The following VPS13B variants were observed in gnomAD, a reference collection of about 807,000 sequenced individuals.
VPS13B encodes vacuolar protein sorting 13 homolog B.
In VPS13B, 285 loss-of-function variants were observed where a neutral mutation model predicts 426.4. That is an observed-to-expected ratio of 0.67 (90% CI 0.61 to 0.74). The LOEUF (loss-of-function observed/expected upper bound fraction) is 0.74, where lower values mean the gene tolerates loss of function less well. Among genes scored for constraint, VPS13B ranks in the 30% least tolerant of loss-of-function variants. The probability of loss-of-function intolerance (pLI) is 0.00; values close to 1 mark genes in which losing one functional copy is unlikely to be tolerated. For synonymous variants in VPS13B, 1,676 were observed against 1,676.4 expected, an observed-to-expected ratio of 1.00 and a Z score of 0.01; for missense variants, 4,537 against 4,782.6, an observed-to-expected ratio of 0.95 and a Z score of 1.51.
Position 99,875,837 on chromosome 8 carries a change from C to T in VPS13B, c.*171C>T. 2.5e-6 allele frequency: 2 copies of T among 806,176 alleles called. No homozygotes were observed. The highest frequency in any genetic ancestry group is 3.9e-6 in the Non-Finnish European group (2 of 514,740). 49.9% of individuals were successfully genotyped at this position (806,176 alleles called of 1,614,324 possible). On this transcript the variant is annotated 3_prime_UTR_variant, in exon 62 of 62. Coordinates refer to ENST00000357162, the MANE Select transcript of VPS13B (RefSeq NM_152564.5). ...AAGCACCTGCCACCATAAAGGGCTG[C>T]ATTTTGCCACCATAAAGGGCTGCAT... is the stretch of plus-strand genomic sequence containing the variant.
chr8:99,164,040 A>G (rs1210836197), intron 15 of VPS13B, among the ~76,000 whole-genome samples: 1 of 152,158 alleles, frequency 6.6e-6, no homozygotes, highest in African/African-American at 2.4e-5. Context: ...CCTGCTGGAT[A>G]GGGGCGAAGA....
At chr8:99,027,231 A>G (rs1842185711) in intron 2 of VPS13B, among the ~76,000 whole-genome samples, 3 of 151,976 alleles carry the variant, frequency 2.0e-5, no homozygotes, top group South Asian at 2.1e-4. Context: ...ATTGAGGATT[A>G]TAGTTTTTAA....
intron 17 of VPS13B, among the ~76,000 whole-genome samples, chr8:99,244,559 T>A (rs776425546): frequency 2.0e-5 from 3 of 152,220 alleles, no homozygotes; most frequent in Non-Finnish European, 4.4e-5. Context: ...GAGAAAAATA[T>A]TCTGAGGACC....
chr8:99,682,080 T>C (rs1450663803), intron 35 of VPS13B, among the ~76,000 whole-genome samples: 1 of 152,250 alleles, frequency 6.6e-6, no homozygotes, highest in Non-Finnish European at 1.5e-5. Flanking sequence ...ATTTTTATGC[T>C]GCTGAAGTTA....
At chr8:99,486,210 A>C (rs1314517691) in intron 25 of VPS13B, among the ~76,000 whole-genome samples, 2 of 151,794 alleles carry the variant, frequency 1.3e-5, no homozygotes, top group African/African-American at 4.8e-5. Flanking sequence ...CCACACAAGC[A>C]AATAATAGCA....
At chr8:99,343,213 C>T (rs1811350233) in intron 19 of VPS13B, among the ~76,000 whole-genome samples, 1 of 152,042 alleles carries the variant, frequency 6.6e-6, no homozygotes. Context: ...CCTGCCTCAG[C>T]CTCCTGAGTA....
At chr8:99,411,987 C>T (rs1815694031) in intron 21 of VPS13B, among the ~76,000 whole-genome samples, 2 of 152,180 alleles carry the variant, frequency 1.3e-5, no homozygotes, top group Admixed American at 1.3e-4. Context: ...TAGTGTGATG[C>T]CTCCAGCTTT....
At chr8:99,297,264 GC>G (rs1192836996) in intron 19 of VPS13B, among the ~76,000 whole-genome samples, 8 of 152,056 alleles carry the variant, frequency 5.3e-5, no homozygotes, top group African/African-American at 1.7e-4. Flanking sequence ...ATTTTAGGCA[GC>G]CCTTTTTGAG....
At chr8:99,503,437 T>C (rs1415994641) in intron 27 of VPS13B, among the ~76,000 whole-genome samples, 1 of 152,234 alleles carries the variant, frequency 6.6e-6, no homozygotes, top group Non-Finnish European at 1.5e-5. Context: ...GATTGAATCT[T>C]TCTTTATGAA....
intron 3 of VPS13B, among the ~76,000 whole-genome samples, chr8:99,042,521 A>G (rs1390335950): frequency 6.6e-6 from 1 of 152,218 alleles, no homozygotes; most frequent in African/African-American, 2.4e-5. Flanking sequence ...AGGTTTAGCT[A>G]GATTTTAAAC....
At chr8:99,371,741 T>C (rs935186220) in intron 19 of VPS13B, among the ~76,000 whole-genome samples, 12 of 152,250 alleles carry the variant, frequency 7.9e-5, no homozygotes, top group Non-Finnish European at 7.3e-5. Context: ...TCCTCTCTTA[T>C]TTCCTTGAGC....
chr8:99,299,688 G>A (rs1338468565), intron 19 of VPS13B, among the ~76,000 whole-genome samples: 1 of 151,798 alleles, frequency 6.6e-6, no homozygotes, highest in African/African-American at 2.4e-5. Context: ...GAGGCGGGCA[G>A]ATCATGAGGT....
chr8:99,026,988 C>T (rs780552037), intron 2 of VPS13B, among the ~76,000 whole-genome samples: 9 of 152,014 alleles, frequency 5.9e-5, no homozygotes, highest in Admixed American at 3.3e-4. Flanking sequence ...GTGATTCTCC[C>T]GCCTCAGCCT....
At chr8:99,176,435 C>G (rs1402281739) in intron 16 of VPS13B, among the ~76,000 whole-genome samples, 1 of 152,100 alleles carries the variant, frequency 6.6e-6, no homozygotes, top group Non-Finnish European at 1.5e-5. Context: ...CCGCGCCCAG[C>G]CCTGTAAACC....
intron 20 of VPS13B, among the ~76,000 whole-genome samples, chr8:99,387,396 T>A (rs1276495211): frequency 6.6e-6 from 1 of 151,568 alleles, no homozygotes; most frequent in Non-Finnish European, 1.5e-5. Flanking sequence ...TAAAAAACAA[T>A]TTTTTTTGTA....
chr8:99,028,455 A>G (rs1454179680), intron 2 of VPS13B, among the ~76,000 whole-genome samples: 3 of 119,534 alleles, frequency 2.5e-5, no homozygotes, highest in South Asian at 2.8e-4. Flanking sequence ...CTCACTTCCC[A>G]GTAGGGGCGG....
chr8:99,737,925 G>C (rs1295055225), intron 39 of VPS13B, among the ~76,000 whole-genome samples: 3 of 152,174 alleles, frequency 2.0e-5, no homozygotes, highest in African/African-American at 7.2e-5. Flanking sequence ...TATGATATAG[G>C]AGACAGCCTC....
chr8:99,477,334 A>T (rs1297304641), intron 24 of VPS13B, among the ~76,000 whole-genome samples: 1 of 152,124 alleles, frequency 6.6e-6, no homozygotes, highest in East Asian at 1.9e-4. Context: ...TTTCTCATTT[A>T]TCCATCTGTT....
intron 34 of VPS13B, among the ~76,000 whole-genome samples, chr8:99,658,754 T>C (rs1200566455): frequency 6.6e-6 from 1 of 152,194 alleles, no homozygotes; most frequent in Non-Finnish European, 1.5e-5. Flanking sequence ...GGACCTCTCA[T>C]CACAAACTAC....
Sources: allele counts gnomAD v4.1 joint callset (sites outside exome capture counted in the v4.1 genomes callset), GRCh38; gene constraint gnomAD v4.1.1; transcripts MANE v1.5; gene names NCBI Gene and HGNC (gene_info 2026-07-23, HGNC 2026-07-21).